KCNIP1: variants seen among roughly 807,000 people sequenced by gnomAD.
KCNIP1 encodes potassium voltage-gated channel interacting protein 1.
KCNIP1 carries 18 observed loss-of-function variants against 33.0 expected under a neutral mutation model. The ratio of observed to expected loss-of-function variants is 0.55; its 90% CI spans 0.38 to 0.81. The LOEUF (loss-of-function observed/expected upper bound fraction) is 0.81, where lower values mean the gene tolerates loss of function less well. Ranked by LOEUF, KCNIP1 falls within the 30% of genes least tolerant of loss-of-function variation. The probability of loss-of-function intolerance (pLI) is 0.00; values close to 1 mark genes in which losing one functional copy is unlikely to be tolerated. For missense variants in KCNIP1, 238 were observed against 271.6 expected (o/e 0.88, Z 0.87); for synonymous variants, 93 against 98.3 (o/e 0.95, Z 0.32).
chr5:170,706,495 A>G (rs920909574), intron 1 of KCNIP1, among the ~76,000 whole-genome samples: 1 of 152,204 alleles, frequency 6.6e-6, no homozygotes, highest in African/African-American at 2.4e-5. Flanking sequence ...CAGTTGTCAG[A>G]TATCTACCAG....
chr5:170,501,132 A>C (rs890281057), upstream of KCNIP1, among the ~76,000 whole-genome samples: 2 of 152,212 alleles, frequency 1.3e-5, no homozygotes, highest in African/African-American at 4.8e-5. Context: ...TGAGAAACAA[A>C]GTAAGGAGTG....
Position 170,448,788 on chromosome 5 carries a change from G to A in KCNIP1, c.88+94824G>A, listed in dbSNP as rs116761186. Among the ~76,000 whole-genome samples the A allele has an allele frequency of 8.6e-3, 1,310 of 152,184 alleles. 9 individuals carry two copies. Among genetic ancestry groups the A allele is most frequent in the Non-Finnish European group, 0.012 (818 of 68,012 alleles). On this transcript the variant is annotated intron_variant, in intron 1 of 7. Transcript: ENST00000377360. ...ATTTATAACTGTTCAAAAATGACTC[G>A]TTTCCATATCTTCTTTCATCTACCC...
chr5:170,397,010 A>G (rs1459049029), intron 1 of KCNIP1, among the ~76,000 whole-genome samples: 7 of 152,208 alleles, frequency 4.6e-5, no homozygotes, highest in African/African-American at 1.7e-4. Context: ...GTGATGCTAT[A>G]CTACAGTCAG....
intron 1 of KCNIP1, among the ~76,000 whole-genome samples, chr5:170,660,103 T>C (rs967238726): frequency 3.9e-5 from 6 of 152,188 alleles, no homozygotes; most frequent in Non-Finnish European, 8.8e-5. Context: ...CATTACCAAC[T>C]TGAAGTTAGC....
intron 1 of KCNIP1, among the ~76,000 whole-genome samples, chr5:170,391,916 C>T (rs987397654): frequency 6.6e-6 from 1 of 152,198 alleles, no homozygotes; most frequent in Non-Finnish European, 1.5e-5. Flanking sequence ...ATTCCATGTG[C>T]CCTTTTCACA....
chr5:170,608,601 G>A lies in KCNIP1; in HGVS notation c.61+103968G>A, dbSNP rs190852860. Among the ~76,000 whole-genome samples, 501 of 152,174 alleles carry A rather than the reference G, an allele frequency of 3.3e-3. 1 individual carries two copies. The highest frequency in any genetic ancestry group is 0.011 in the African/African-American group (467 of 41,508). On this transcript the variant is annotated intron_variant, in intron 1 of 7. Transcript: ENST00000328939. ...AGCCTGGCCAACATGGTAAAACCCCGTCTCTACTAAAAATACAAAAATTGG... is the reference window on the plus strand; with the variant it reads ...AGCCTGGCCAACATGGTAAAACCCCATCTCTACTAAAAATACAAAAATTGG...
At chr5:170,444,291 C>T (rs1317408154) in intron 1 of KCNIP1, among the ~76,000 whole-genome samples, 1 of 152,128 alleles carries the variant, frequency 6.6e-6, no homozygotes, top group Non-Finnish European at 1.5e-5. Context: ...AGGCTGACCC[C>T]ATTCTTTGGC....
At chr5:170,514,318 T>G (rs1203100022) in intron 1 of KCNIP1, among the ~76,000 whole-genome samples, 1 of 152,208 alleles carries the variant, frequency 6.6e-6, no homozygotes, top group African/African-American at 2.4e-5. Context: ...TCTCTCCATC[T>G]CTGGGATTCG....
At chr5:170,654,977 G>A (rs150058810) in intron 1 of KCNIP1, among the ~76,000 whole-genome samples, 8 of 152,098 alleles carry the variant, frequency 5.3e-5, no homozygotes, top group African/African-American at 1.9e-4. Flanking sequence ...TCAAAAATGA[G>A]CCAGAATCTA....
At chr5:170,361,847 C>T (rs1763521013) in intron 1 of KCNIP1, among the ~76,000 whole-genome samples, 1 of 152,212 alleles carries the variant, frequency 6.6e-6, no homozygotes, top group African/African-American at 2.4e-5. Context: ...ACCTCATCAC[C>T]TCCCAAAGGC....
chr5:170,651,059 A>G (rs1057392296), intron 1 of KCNIP1, among the ~76,000 whole-genome samples: 1 of 152,208 alleles, frequency 6.6e-6, no homozygotes, highest in African/African-American at 2.4e-5. Context: ...AGAAGGGGTG[A>G]GTAGGGCTTG....
chr5:170,589,359 T>C (rs1258548168), intron 1 of KCNIP1, among the ~76,000 whole-genome samples: 1 of 152,134 alleles, frequency 6.6e-6, no homozygotes, highest in Non-Finnish European at 1.5e-5. Context: ...ACCAAATACG[T>C]GGTATCTGCT....
rs553874645 is a variant in KCNIP1, at chr5:170,388,269, T to C, written c.88+34305T>C. Among the ~76,000 whole-genome samples the C allele has an allele frequency of 3.3e-5, 5 of 152,334 alleles. No individual in the cohort carries two copies. The South Asian group carries it at 1.0e-3, about 32-fold the overall frequency. On this transcript the variant is annotated intron_variant, in intron 1 of 7. Coordinates refer to the KCNIP1 transcript ENST00000377360. ...ACTGAGTGAGTTTATAGAGTCATGATAAATCCTCCTAAGACCATGCGTGGG... is the reference window on the plus strand; with the variant it reads ...ACTGAGTGAGTTTATAGAGTCATGACAAATCCTCCTAAGACCATGCGTGGG...
intron 1 of KCNIP1, among the ~76,000 whole-genome samples, chr5:170,683,889 A>AGGGTATGTGTGT: frequency 8.0e-6 from 1 of 124,694 alleles, no homozygotes; most frequent in African/African-American, 2.8e-5. Flanking sequence ...ATGCCCAGCT[A>AGGGTATGTGTGT]GTGTATGTGT....
chr5:170,583,955 A>T (rs1327038325), intron 1 of KCNIP1, among the ~76,000 whole-genome samples: 1 of 152,224 alleles, frequency 6.6e-6, no homozygotes, highest in African/African-American at 2.4e-5. Context: ...TTATTTTAAC[A>T]CTGAGGATAT....
intron 1 of KCNIP1, among the ~76,000 whole-genome samples, chr5:170,653,356 C>A (rs555651941): frequency 1.3e-5 from 2 of 152,258 alleles, no homozygotes; most frequent in South Asian, 4.2e-4. Flanking sequence ...AAAGTGGTAT[C>A]ACGAACATAT....
At chr5:170,475,981 T>C (rs1403642879) in intron 1 of KCNIP1, among the ~76,000 whole-genome samples, 3 of 152,042 alleles carry the variant, frequency 2.0e-5, no homozygotes, top group Admixed American at 2.0e-4. Context: ...ACTTTTTTTT[T>C]TTTTTTGAAA....
At chr5:170,571,421 C>T (rs183376315) in intron 1 of KCNIP1, among the ~76,000 whole-genome samples, 36 of 152,332 alleles carry the variant, frequency 2.4e-4, no homozygotes, top group Admixed American at 4.6e-4. Flanking sequence ...CTTGCCTGTG[C>T]GCAGGCTTTT....
At chr5:170,552,355 C>T (rs929933996) in intron 1 of KCNIP1, among the ~76,000 whole-genome samples, 2 of 152,112 alleles carry the variant, frequency 1.3e-5, no homozygotes, top group African/African-American at 4.8e-5. Flanking sequence ...ATTCATGATC[C>T]GCTGCTCTGA....
Sources: allele counts gnomAD v4.1 joint callset (sites outside exome capture counted in the v4.1 genomes callset), GRCh38; gene constraint gnomAD v4.1.1; transcripts MANE v1.5; gene names NCBI Gene and HGNC (gene_info 2026-07-23, HGNC 2026-07-21).